CA11: variants seen among roughly 807,000 people sequenced by gnomAD.
CA11 encodes carbonic anhydrase-related protein 11.
In CA11, 20 loss-of-function variants were observed where a neutral mutation model predicts 39.3. The observed-to-expected ratio is 0.51, with a 90% CI of 0.36 to 0.74. The LOEUF is 0.74. Among genes scored for constraint, CA11 ranks in the 30% least tolerant of loss-of-function variants. The probability of loss-of-function intolerance (pLI) is 0.00; values close to 1 mark genes in which losing one functional copy is unlikely to be tolerated. For synonymous variants in CA11, 166 were observed against 172.5 expected (o/e 0.96, Z 0.29); for missense variants, 336 against 424.6 (o/e 0.79, Z 1.83).
intron 3 of CA11, among the ~76,000 whole-genome samples, chr19:48,642,364 C>T (rs981743281): frequency 3.3e-5 from 5 of 151,682 alleles, no homozygotes; most frequent in African/African-American, 7.3e-5. Flanking sequence ...CTGGGTGTGG[C>T]GGTGGGCGCC....
Position 48,638,113 on chromosome 19 carries a change from G to A in CA11, c.*6C>T. The A allele has an allele frequency of 7.1e-7, 1 of 1,414,384 alleles. No homozygotes were observed. Among genetic ancestry groups the A allele is most frequent in the Non-Finnish European group, 9.3e-7 (1 of 1,077,760 alleles). The allele number at this position is 1,414,384 out of a possible 1,614,324, so 87.6% of individuals were successfully genotyped here. The stretch of plus-strand genomic sequence containing the variant: ...GACGGGCGGGTGCAATCCTCGAAGG[G>A]GAGTCTCAGCGACCATGGGGGACAC... On this transcript the variant is annotated 3_prime_UTR_variant, in exon 9 of 9. Coordinates refer to ENST00000084798, the MANE Select transcript of CA11 (RefSeq NM_001217.5).
In CA11 at chr19:48,645,405, G is replaced by A. The variant is rs2031217241; in HGVS notation, c.140C>T (p.Pro47Leu). The change falls in exon 2 of 9, where the codon CCA (proline) becomes CTA (leucine). Residue 47 changes from proline (P) to leucine (L), a missense_variant and splice_region_variant. Physicochemically the swap from Pro to Leu is moderately conservative, Grantham distance 98. Transcript: ENST00000084798. ...CTGGGTCCCCGCCTTGGCGGCACCT[G>A]GCACGAAGTTTCCCTGGAGATTATC... is the stretch of plus-strand genomic sequence containing the variant. The part of the protein sequence containing the change: ...YKDNLQGNFV[P>L]GPPFWGLVNA... The A allele has an allele frequency of 1.3e-6, 2 of 1,583,328 alleles. No homozygotes were observed. Among genetic ancestry groups the A allele is most frequent in the African/African-American group, 2.7e-5 (2 of 74,380 alleles).
intron 6 of CA11, 26 bp downstream of exon 6, chr19:48,639,523 C>A (rs945249085): frequency 6.2e-7 from 1 of 1,613,774 alleles, no homozygotes; most frequent in African/African-American, 1.3e-5. Context: ...TGTGTGACCA[C>A]TGCCCCCAGC....
chr19:48,641,415 C>T (rs1327484170), intron 3 of CA11, among the ~76,000 whole-genome samples: 1 of 152,146 alleles, frequency 6.6e-6, no homozygotes, highest in Non-Finnish European at 1.5e-5. Flanking sequence ...TGCTATGTGC[C>T]GTGGATGCAA....
intron 6 of CA11, 24 bp downstream of exon 6, chr19:48,639,525 G>A: frequency 6.2e-7 from 1 of 1,613,844 alleles, no homozygotes; most frequent in East Asian, 2.2e-5. Context: ...TGTGACCACT[G>A]CCCCCAGCAC....
rs775424347 is a variant in CA11 at position 48,639,027 on chromosome 19, C to G, written c.822G>C (p.Gln274His). Reference sequence around the variant, plus strand: ...TCTGGAAGATCTGAGATGGAGGATTCTGGCTCAGGAGTCTCAGGGAGTGCA... The same window carrying G: ...TCTGGAAGATCTGAGATGGAGGATTGTGGCTCAGGAGTCTCAGGGAGTGCA... ...LQMHSLRLLS[Q>H]NPPSQIFQSL... Residue 274 changes from glutamine (Q) to histidine (H), a missense_variant, in exon 8 of 9, where the codon CAG (glutamine) becomes CAC (histidine). Physicochemically the swap from Gln to His is conservative, Grantham distance 24. Transcript: ENST00000084798. 6.2e-7 allele frequency: 1 copy of G among 1,613,994 alleles called. No homozygotes were observed. The highest frequency in any genetic ancestry group is 8.5e-7 in the Non-Finnish European group (1 of 1,179,958).
chr19:48,645,754 G>A lies in CA11; in HGVS notation c.-122C>T. 1.3e-6 allele frequency: 1 copy of A among 754,986 alleles called. No homozygotes were observed. The highest frequency in any genetic ancestry group is 3.5e-5 in the Admixed American group (1 of 28,654). The allele number at this position is 754,986 out of a possible 1,614,324, so 46.8% of individuals were successfully genotyped here. A position where few individuals can be genotyped will look rare whatever the true frequency, so the allele number is the denominator to read the frequency against. On this transcript the variant is annotated 5_prime_UTR_variant, in exon 1 of 9. Transcript: ENST00000084798. ...CCAGCTTTCCTCTCCTCCCCACAGG[G>A]AGTCCCAGTTCCCCAAATGCCAAAG...
At chr19:48,644,353 AGC>A in intron 3 of CA11, 72 bp downstream of exon 3, 1 of 1,405,256 alleles carries the variant, frequency 7.1e-7, no homozygotes, top group Non-Finnish European at 9.6e-7. Flanking sequence ...CTCCTACCTC[AGC>A]ACCCCATTCC....
In CA11 at chr19:48,644,492, C is replaced by G. The variant is rs1260776980; in HGVS notation, c.220G>C (p.Glu74Gln). 2 of 1,612,120 alleles carry G rather than the reference C, an allele frequency of 1.2e-6. No individual in the cohort carries two copies. Among genetic ancestry groups the G allele is most frequent in the South Asian group, 2.2e-5 (2 of 90,848 alleles). The stretch of plus-strand genomic sequence containing the variant: ...GGGTCATAAAGAACCCTCTTCAGCT[C>G]CACATCCACGGGGCTCTGCCGCTTC... ...VGKRQSPVDV[E>Q]LKRVLYDPFL... Residue 74 changes from glutamate to glutamine, a missense_variant, in exon 3 of 9, where the codon GAG (glutamate) becomes CAG (glutamine). Glu to Gln is a conservative substitution (Grantham distance 29). Transcript: ENST00000084798.
Position 48,639,436 on chromosome 19 carries a change from G to A in CA11, c.664C>T (p.Leu222=). ...TCAGGGAACAGGAGCTCCAGGCTCA[G>A]GTCTTGAAGAAAGTAGGCATCATCT... ...YKNDAYFLQD[L]SLELLFPESF... Residue 222 remains leucine, a synonymous_variant, in exon 7 of 9, where the codon CTG becomes TTG. Coordinates refer to ENST00000084798, the MANE Select transcript of CA11 (RefSeq NM_001217.5). 1.2e-6 allele frequency: 2 copies of A among 1,613,922 alleles called. No individual in the cohort carries two copies. The highest frequency in any genetic ancestry group is 1.7e-6 in the Non-Finnish European group (2 of 1,179,958).
intron 2 of CA11, 133 bp downstream of exon 2, chr19:48,645,270 C>T: frequency 1.4e-6 from 1 of 735,572 alleles, no homozygotes; most frequent in South Asian, 1.7e-5. Flanking sequence ...GCTGGCCCGA[C>T]TCCTGAGGGA....
At chr19:48,644,877 G>A (rs2031198448) in intron 2 of CA11, among the ~76,000 whole-genome samples, 1 of 152,070 alleles carries the variant, frequency 6.6e-6, no homozygotes, top group Non-Finnish European at 1.5e-5. Flanking sequence ...TTTCAAGCGT[G>A]AGCCACCGCG....
intron 8 of CA11, 73 bp downstream of exon 8, chr19:48,638,815 A>G: frequency 7.0e-7 from 1 of 1,430,206 alleles, no homozygotes; most frequent in Non-Finnish European, 9.3e-7. Flanking sequence ...ACTGAATCAC[A>G]CTGAGACACC....
chr19:48,640,581 T>C (rs560427195), intron 3 of CA11, among the ~76,000 whole-genome samples: 69 of 149,498 alleles, frequency 4.6e-4, no homozygotes, highest in African/African-American at 1.6e-3. Context: ...TCCACGTTGG[T>C]CAGGCTGGTC....
intron 8 of CA11, 135 bp from the exon 9 acceptor site, chr19:48,638,279 T>C: frequency 8.4e-7 from 1 of 1,192,960 alleles, no homozygotes; most frequent in Non-Finnish European, 1.0e-6. Context: ...ATGTACTAGG[T>C]CGAGAAGCAC....
At chr19:48,641,902 T>G (rs1295445285) in intron 3 of CA11, among the ~76,000 whole-genome samples, 1 of 148,560 alleles carries the variant, frequency 6.7e-6, no homozygotes, top group Non-Finnish European at 1.5e-5. Flanking sequence ...TGGGCTCAAG[T>G]CATCATCCTG....
In CA11 at chr19:48,644,563, G is replaced by C; in HGVS notation, c.149C>G (p.Pro50Arg). ...NLQGNFVPGP[P>R]FWGLVNAAWS... is the part of the protein sequence containing the mutation. ...CGCTGCATTCACCAGGCCCCAGAAA[G>C]GAGGCCCTGGGGGTGGGGTCGGAGT... The change falls in exon 3 of 9, where the codon CCT (proline) becomes CGT (arginine). Residue 50 changes from proline (P) to arginine (R), a missense_variant. By Grantham distance (103) the Pro-to-Arg change is moderately radical. Coordinates refer to ENST00000084798, the MANE Select transcript of CA11 (RefSeq NM_001217.5). 6.3e-7 allele frequency: 1 copy of C among 1,586,512 alleles called. No homozygotes were observed. Among genetic ancestry groups the C allele is most frequent in the Non-Finnish European group, 8.6e-7 (1 of 1,164,806 alleles).
At position 48,639,058 on chromosome 19, in the gene CA11, A is replaced by C. The variant is rs766343460; in HGVS notation, c.796-5T>G. ...CAGGAGTCTCAGGGAGTGCATCTGCAGTGGAAGGAGGGTGGGAAACTGGGA... is the reference window on the plus strand; with the variant it reads ...CAGGAGTCTCAGGGAGTGCATCTGCCGTGGAAGGAGGGTGGGAAACTGGGA... On this transcript the variant is annotated splice_region_variant and splice_polypyrimidine_tract_variant and intron_variant, in intron 7 of 8. Coordinates refer to ENST00000084798, the MANE Select transcript of CA11 (RefSeq NM_001217.5). 8 of 1,613,692 alleles carry C rather than the reference A, an allele frequency of 5.0e-6. No homozygotes were observed. The Admixed American group carries it at 6.7e-5, about 13-fold the overall frequency.
intron 3 of CA11, among the ~76,000 whole-genome samples, chr19:48,642,056 A>G (rs1317941244): frequency 6.6e-6 from 1 of 152,148 alleles, no homozygotes; most frequent in Non-Finnish European, 1.5e-5. Context: ...AGGGAACAGC[A>G]AGTGCAAAGG....
Sources: allele counts gnomAD v4.1 joint callset (sites outside exome capture counted in the v4.1 genomes callset), GRCh38; gene constraint gnomAD v4.1.1; transcripts MANE v1.5; gene names NCBI Gene and HGNC (gene_info 2026-07-23, HGNC 2026-07-21).